Variants in NSD1 observed in about 807,000 individuals in gnomAD.
The protein encoded by NSD1 is nuclear receptor binding SET domain protein 1.
Under a neutral mutation model 242.7 loss-of-function variants are expected in NSD1, and 26 were observed. The ratio of observed to expected loss-of-function variants is 0.11; its 90% CI spans 0.08 to 0.15. NSD1 has a LOEUF of 0.15. Among genes scored for constraint, NSD1 ranks in the 10% least tolerant of loss-of-function variants. The probability of loss-of-function intolerance (pLI) is 1.00; values close to 1 mark genes in which losing one functional copy is unlikely to be tolerated. For synonymous variants in NSD1, 1,106 were observed against 1,178.1 expected, an observed-to-expected ratio of 0.94 and a Z score of 1.25; for missense variants, 2,495 against 3,272.8, an observed-to-expected ratio of 0.76 and a Z score of 5.80.
At position 177,248,205 on chromosome 5, in the gene NSD1, G is replaced by A. The variant is rs755207989; in HGVS notation, c.4522G>A (p.Ala1508Thr). The change falls in exon 11 of 23, where the codon GCC (alanine) becomes ACC (threonine). Residue 1508 changes from alanine to threonine, a missense_variant. Coordinates refer to ENST00000439151, the MANE Select transcript of NSD1 (RefSeq NM_022455.5). ...GGGAGAACTAATGCCTCACAGGACGGCCACAAGCCCCAAGGAGACTGTTGA... is the reference window on the plus strand; with the variant it reads ...GGGAGAACTAATGCCTCACAGGACGACCACAAGCCCCAAGGAGACTGTTGA... ...SEGELMPHRT[A>T]TSPKETVEEG... 1.2e-6 allele frequency: 2 copies of A among 1,614,108 alleles called. No individual in the cohort carries two copies. Among genetic ancestry groups the A allele is most frequent in the African/African-American group, 1.3e-5 (1 of 75,050 alleles).
chr5:177,185,738 T>A (rs1291818094), intron 2 of NSD1, among the ~76,000 whole-genome samples: 7 of 107,932 alleles, frequency 6.5e-5, no homozygotes, highest in Non-Finnish European at 1.2e-4. Context: ...TATATATATT[T>A]TATATATTAT....
In NSD1 at chr5:177,210,769, A is replaced by C. The variant is rs1405494960; in HGVS notation, c.2370A>C (p.Ile790=). 6.2e-7 allele frequency: 1 copy of C among 1,614,258 alleles called. No individual in the cohort carries two copies. ...GCAAACAGCCCAAGTTCCGAAGTATAAAGTGCAAACACAAAGAAAATCCAG... is the reference window on the plus strand; with the variant it reads ...GCAAACAGCCCAAGTTCCGAAGTATCAAGTGCAAACACAAAGAAAATCCAG... ...SKSKQPKFRS[I]KCKHKENPVM... The change falls in exon 5 of 23, where the codon ATA becomes ATC. Residue 790 remains isoleucine (I), a synonymous_variant. Transcript: ENST00000439151.
At chr5:177,136,407 G>C (rs1478945096) in intron 2 of NSD1, 1 of 189,932 alleles carries the variant, frequency 5.3e-6, no homozygotes, top group African/African-American at 2.4e-5. Flanking sequence ...TTGGAGTCCT[G>C]TTGCTATATG....
chr5:177,258,057 C>T (rs1166314483), intron 13 of NSD1, among the ~76,000 whole-genome samples: 3 of 146,172 alleles, frequency 2.1e-5, no homozygotes, highest in Non-Finnish European at 3.0e-5. Flanking sequence ...CTCAGCTCAC[C>T]GCAACCTCTG....
chr5:177,224,554 T>C (rs1365900753), intron 5 of NSD1, among the ~76,000 whole-genome samples: 2 of 151,900 alleles, frequency 1.3e-5, no homozygotes, highest in African/African-American at 4.8e-5. Context: ...TTTGCTGAAC[T>C]CATCTCTGTT....
At chr5:177,284,154 T>A (rs1400186434) in intron 20 of NSD1, among the ~76,000 whole-genome samples, 1 of 152,218 alleles carries the variant, frequency 6.6e-6, no homozygotes, top group East Asian at 1.9e-4. Context: ...TCCCCATTCT[T>A]CTTTTTCTTC....
intron 5 of NSD1, among the ~76,000 whole-genome samples, chr5:177,219,769 A>G (rs1209176464): frequency 1.3e-5 from 2 of 152,080 alleles, no homozygotes; most frequent in East Asian, 1.9e-4. Flanking sequence ...CAAGACCAGC[A>G]TGGCCAACAT....
At chr5:177,285,080 A>G (rs1220323168) in intron 20 of NSD1, among the ~76,000 whole-genome samples, 3 of 152,222 alleles carry the variant, frequency 2.0e-5, no homozygotes, top group Non-Finnish European at 4.4e-5. Context: ...TAACCAGGAC[A>G]AATAGTAAGA....
chr5:177,243,241 G>A (rs149533811), intron 8 of NSD1, among the ~76,000 whole-genome samples: 1 of 152,210 alleles, frequency 6.6e-6, no homozygotes, highest in African/African-American at 2.4e-5. Context: ...TTGTAGTGCA[G>A]TGGCGCGATC....
In NSD1 at chr5:177,211,606, G is replaced by C. The variant is rs1300359020; in HGVS notation, c.3207G>C (p.Gln1069His). 2 of 1,613,998 alleles carry C rather than the reference G, an allele frequency of 1.2e-6. No homozygotes were observed. The highest frequency in any genetic ancestry group is 1.7e-6 in the Non-Finnish European group (2 of 1,180,034). The change falls in exon 5 of 23, where the codon CAG becomes CAC. Residue 1069 changes from glutamine to histidine, a missense_variant. This residue lies in a region of NSD1 where 426 missense variants were observed against 411.4 expected (regional missense o/e 1.04). Transcript: ENST00000439151. ...LPSVTLDAVLQGDRERGGSLR... is the reference protein window; with the variant it reads ...LPSVTLDAVLHGDRERGGSLR... ...GTGTGACTCTTGATGCTGTACTGCA[G>C]GGAGACCGAGAACGTGGAGGTTCAT...
rs1472565162 is a variant in NSD1 at position 177,211,806 on chromosome 5, A to G, written c.3407A>G (p.Glu1136Gly). ...GLSFENGKGP[E>G]LDSVMNSEND... is the part of the protein sequence containing the mutation. ...TCTTTTGAAAACGGAAAAGGCCCAG[A>G]GCTGGACTCTGTAATGAACAGTGAG... Residue 1136 changes from glutamate (E) to glycine (G), a missense_variant, in exon 5 of 23, where the codon GAG becomes GGG. Coordinates refer to ENST00000439151, the MANE Select transcript of NSD1 (RefSeq NM_022455.5). 1 of 1,614,230 alleles carries G rather than the reference A, an allele frequency of 6.2e-7. No individual in the cohort carries two copies. The highest frequency in any genetic ancestry group is 8.5e-7 in the Non-Finnish European group (1 of 1,180,042).
intron 17 of NSD1, among the ~76,000 whole-genome samples, chr5:177,275,772 T>G (rs958003095): frequency 6.6e-6 from 1 of 152,098 alleles, no homozygotes; most frequent in Non-Finnish European, 1.5e-5. Flanking sequence ...AGCATAGTTG[T>G]GAATTATTGA....
intron 11 of NSD1, among the ~76,000 whole-genome samples, chr5:177,248,529 C>T (rs1306468678): frequency 2.0e-5 from 3 of 152,066 alleles, no homozygotes; most frequent in Non-Finnish European, 4.4e-5. Flanking sequence ...TGGTGAACCA[C>T]GTGCCCTTAA....
At chr5:177,236,051 A>T in intron 6 of NSD1, 106 bp downstream of exon 6, 3 of 1,300,018 alleles carry the variant, frequency 2.3e-6, no homozygotes, top group Non-Finnish European at 3.3e-6. Context: ...CTTAACTGAG[A>T]TCTTGTTTTT....
chr5:177,177,067 C>T (rs1760265240), intron 2 of NSD1, among the ~76,000 whole-genome samples: 1 of 152,150 alleles, frequency 6.6e-6, no homozygotes, highest in Non-Finnish European at 1.5e-5. Flanking sequence ...ATGTGCTATG[C>T]ACTGTTTTGT....
At position 177,238,755 on chromosome 5, in the gene NSD1, A is replaced by G. The variant is rs1345499297; in HGVS notation, c.4192+248A>G. On this transcript the variant is annotated intron_variant, in intron 7 of 22. Transcript: ENST00000439151. This position sits in a 1 kb window ranked among gnomAD's most constrained non-coding sequence, Gnocchi z 4.6. The stretch of plus-strand genomic sequence containing the variant: ...CCAGTGTTGCTCTTCATGATTGTTG[A>G]TCAGCCACTGTGTAAATTAACAACC... Among the ~76,000 whole-genome samples the G allele has an allele frequency of 6.6e-6, 1 of 152,198 alleles. No individual in the cohort carries two copies. Among genetic ancestry groups the G allele is most frequent in the Non-Finnish European group, 1.5e-5 (1 of 68,044 alleles).
At position 177,280,651 on chromosome 5, in the gene NSD1, C is replaced by A; in HGVS notation, c.5709C>A (p.Asn1903Lys). 1 of 1,614,192 alleles carries A rather than the reference C, an allele frequency of 6.2e-7. No individual in the cohort carries two copies. The highest frequency in any genetic ancestry group is 1.1e-5 in the South Asian group (1 of 91,088). Residue 1903 changes from asparagine to lysine, a missense_variant, in exon 18 of 23, where the codon AAC becomes AAA. Physicochemically the swap from Asn to Lys is moderately conservative, Grantham distance 94. This residue lies in a region of NSD1 where 114 missense variants were observed against 247.4 expected (regional missense o/e 0.46). Transcript: ENST00000439151. ...GCAACTGTAAAGCTACTGATGAGAA[C>A]CCCTGTGGGATAGACTCTGAATGCA... ...PRCNCKATDE[N>K]PCGIDSECIN...
upstream of NSD1, among the ~76,000 whole-genome samples, chr5:177,132,076 C>T (rs886978473): frequency 2.0e-5 from 3 of 152,194 alleles, no homozygotes; most frequent in Non-Finnish European, 4.4e-5. The surrounding 1 kb of genome is among the most constrained non-coding windows in gnomAD (Gnocchi z 7.5). Context: ...TTGGACGCCA[C>T]GCGGTCGTGC....
intron 21 of NSD1, among the ~76,000 whole-genome samples, chr5:177,289,834 G>GT (rs377041363): frequency 0.092 from 13,200 of 143,340 alleles, 1,325 homozygotes; most frequent in African/African-American, 0.25. Context: ...GTTGTTTTGT[G>GT]TTTTTTTTTT....
Sources: gnomAD v4.1 joint callset for allele counts (sites outside exome capture counted in the v4.1 genomes callset) on GRCh38, gnomAD v4.1.1 for gene constraint, gnomAD v4.1.1 regional missense constraint, Gnocchi (gnomAD v3.1) non-coding constraint, MANE v1.5 for transcripts, NCBI Gene and HGNC (gene_info 2026-07-23, HGNC 2026-07-21) for gene names.